The following MDM4 variants were observed in gnomAD, a reference collection of about 807,000 sequenced individuals.
MDM4 encodes the protein protein Mdm4.
MDM4 carries 2 observed loss-of-function variants against 60.2 expected under a neutral mutation model. That is an observed-to-expected ratio of 0.03 (90% CI 0.01 to 0.10). The LOEUF (loss-of-function observed/expected upper bound fraction) is 0.10. Among genes scored for constraint, MDM4 ranks in the 10% least tolerant of loss-of-function variants. The pLI is 1.00. For synonymous variants in MDM4, 202 were observed against 198.1 expected (o/e 1.02, Z -0.17); for missense variants, 447 against 577.5 (o/e 0.77, Z 2.32).
intron 3 of MDM4, among the ~76,000 whole-genome samples, chr1:204,528,074 A>ATT (rs11440400): frequency 0.032 from 4,547 of 140,308 alleles, 112 homozygotes; most frequent in African/African-American, 0.075. Flanking sequence ...AAAGTCTGGA[A>ATT]TTTTTTTTTT....
chr1:204,529,458 C>G, intron 3 of MDM4: 1 of 1,521,746 alleles, frequency 6.6e-7, no homozygotes, highest in Non-Finnish European at 9.0e-7. Context: ...ATCATTTGGT[C>G]CTCCTGGAGT....
chr1:204,529,568 AG>A (rs1660632948), intron 3 of MDM4: 2 of 1,448,180 alleles, frequency 1.4e-6, no homozygotes, highest in Non-Finnish European at 1.9e-6. Flanking sequence ...AGCCACCACC[AG>A]GGGGTAGCAC....
chr1:204,523,503 C>CTTTTA (rs1558310755), intron 1 of MDM4, among the ~76,000 whole-genome samples: 70 of 82,016 alleles, frequency 8.5e-4, no homozygotes, highest in South Asian at 2.1e-3. Flanking sequence ...TTTTTTTTTG[C>CTTTTA]GACAGGGTAT....
intron 3 of MDM4, 40 bp downstream of exon 3, chr1:204,526,474 T>G (rs1182299649): frequency 6.5e-7 from 1 of 1,530,182 alleles, no homozygotes; most frequent in African/African-American, 1.4e-5. Context: ...TTTGTTTTTT[T>G]TTTTTTTGAG....
In MDM4 at chr1:204,525,612, TATTTCTAGTTTTTTGG is replaced by T. The variant is rs1558312984; in HGVS notation, c.78+17_78+32del. 2.0e-6 allele frequency: 3 copies of T among 1,517,460 alleles called. No homozygotes were observed. The South Asian group carries it at 3.6e-5, about 18-fold the overall frequency. The allele number at this position is 1,517,460 out of a possible 1,614,324, so 94.0% of individuals were successfully genotyped here. On this transcript the variant is annotated intron_variant, in intron 2 of 10. Coordinates refer to ENST00000367182, the MANE Select transcript of MDM4 (RefSeq NM_002393.5). Reference sequence around the variant, plus strand: ...AATCAATCAGGTAAATCATTTTCGGTATTTCTAGTTTTTTGGTTTTTTTTTTTTTTAATTTTTAAAA... The same window carrying T: ...AATCAATCAGGTAAATCATTTTCGGTTTTTTTTTTTTTTTAATTTTTAAAA...
At chr1:204,544,799 T>G (rs1186662759) in intron 9 of MDM4, 115 bp downstream of exon 9, 2 of 956,638 alleles carry the variant, frequency 2.1e-6, no homozygotes. Context: ...CCTTTTTAAC[T>G]TTAATTAATT....
intron 5 of MDM4, chr1:204,537,141 A>T: frequency 5.2e-6 from 2 of 385,864 alleles, no homozygotes; most frequent in East Asian, 1.0e-4. Context: ...ACCAGTTTTC[A>T]TATAAAAATT....
Position 204,549,426 on chromosome 1 carries a change from C to T in MDM4, c.1217C>T (p.Thr406Ile), listed in dbSNP as rs4252741. 5.6e-6 allele frequency: 9 copies of T among 1,612,868 alleles called. No homozygotes were observed. In the East Asian group the frequency reaches 1.6e-4, roughly 28 times the overall value. ...DLAHSSESQE[T>I]ISSMGEQLDN... ...GCTCACAGTTCTGAAAGCCAAGAGA[C>T]CATCTCAAGCATGGGAGAACAGTTA... The change falls in exon 11 of 11, where the codon ACC (threonine) becomes ATC (isoleucine). Residue 406 changes from threonine (T) to isoleucine (I), a missense_variant. By Grantham distance (89) the Thr-to-Ile change is moderately conservative. Coordinates refer to ENST00000367182, the MANE Select transcript of MDM4 (RefSeq NM_002393.5).
intron 2 of MDM4, 36 bp downstream of exon 2, chr1:204,525,632 T>A: frequency 7.1e-7 from 1 of 1,410,868 alleles, no homozygotes; most frequent in Non-Finnish European, 9.8e-7. Context: ...TTTTTGGTTT[T>A]TTTTTTTTTT....
intron 5 of MDM4, chr1:204,532,842 T>C: frequency 6.2e-7 from 1 of 1,608,738 alleles, no homozygotes. Context: ...TTTTGTTTAA[T>C]GTGTTTCTTT....
Position 204,551,431 on chromosome 1 carries a change from TTGATA to T in MDM4, c.*1751_*1755del. On this transcript the variant is annotated 3_prime_UTR_variant, in exon 11 of 11. Transcript: ENST00000367182. Reference sequence around the variant, plus strand: ...GCTGCTTACACCAAGGCAATACGCCTTGATATACTGGATGGTTGAGAGGCAGCCTC... The same window carrying T: ...GCTGCTTACACCAAGGCAATACGCCTTACTGGATGGTTGAGAGGCAGCCTC... 1 of 223,728 alleles carries T rather than the reference TTGATA, an allele frequency of 4.5e-6. No individual in the cohort carries two copies. The highest frequency in any genetic ancestry group is 8.8e-6 in the Non-Finnish European group (1 of 113,556). 13.9% of individuals were successfully genotyped at this position (223,728 alleles called of 1,614,324 possible). A position where few individuals can be genotyped will look rare whatever the true frequency, so the allele number is the denominator to read the frequency against.
intron 7 of MDM4, among the ~76,000 whole-genome samples, chr1:204,540,661 G>A (rs546540258): frequency 2.6e-4 from 40 of 152,222 alleles, no homozygotes; most frequent in Admixed American, 1.6e-3. Flanking sequence ...TACTCGGGAG[G>A]CTGAGGCAGG....
At chr1:204,517,496 C>G (rs1488292799) in intron 1 of MDM4, among the ~76,000 whole-genome samples, 2 of 151,330 alleles carry the variant, frequency 1.3e-5, no homozygotes, top group South Asian at 2.1e-4. Context: ...TTCTGCCTCA[C>G]GGGTTCAAGT....
intron 1 of MDM4, among the ~76,000 whole-genome samples, chr1:204,520,137 C>T (rs1012868978): frequency 5.3e-5 from 8 of 151,556 alleles, no homozygotes; most frequent in African/African-American, 1.5e-4. Flanking sequence ...ATTAGCCAGG[C>T]GAGGTGGTGG....
At chr1:204,540,831 G>C (rs1218513417) in intron 7 of MDM4, among the ~76,000 whole-genome samples, 2 of 152,174 alleles carry the variant, frequency 1.3e-5, no homozygotes, top group Admixed American at 1.3e-4. Flanking sequence ...TGGCGAAGAT[G>C]TGTAAAATCA....
chr1:204,549,526 A>G lies in MDM4; in HGVS notation c.1317A>G (p.Leu439=), dbSNP rs954634929. 1.2e-6 allele frequency: 2 copies of G among 1,612,964 alleles called. No homozygotes were observed. The highest frequency in any genetic ancestry group is 2.7e-5 in the African/African-American group (2 of 74,820). ...AGAATCTCTTGAAGCCATGTAGCTT[A>G]TGTGAGAAAAGACCACGAGACGGGA... ...DCQNLLKPCS[L]CEKRPRDGNI... The change falls in exon 11 of 11, where the codon TTA becomes TTG. Residue 439 remains leucine, a synonymous_variant. Coordinates refer to ENST00000367182, the MANE Select transcript of MDM4 (RefSeq NM_002393.5).
rs757935184 is a variant in MDM4 at position 204,556,573 on chromosome 1, C to T, written c.*6891C>T. 1 of 202,314 alleles carries T rather than the reference C, an allele frequency of 4.9e-6. No individual in the cohort carries two copies. Among genetic ancestry groups the T allele is most frequent in the Non-Finnish European group, 1.0e-5 (1 of 98,516 alleles). The allele number at this position is 202,314 out of a possible 1,614,324, so 12.5% of individuals were successfully genotyped here. ...AAAAGCTGGGCATGGTGGGTGCATGCTTGTCCCAGCTACTGAGGAGGCTGA... is the reference window on the plus strand; with the variant it reads ...AAAAGCTGGGCATGGTGGGTGCATGTTTGTCCCAGCTACTGAGGAGGCTGA... On this transcript the variant is annotated 3_prime_UTR_variant, in exon 11 of 11. Coordinates refer to ENST00000367182, the MANE Select transcript of MDM4 (RefSeq NM_002393.5).
In MDM4 at chr1:204,549,457, C is replaced by G; in HGVS notation, c.1248C>G (p.Asn416Lys). The change falls in exon 11 of 11, where the codon AAC (asparagine) becomes AAG (lysine). Residue 416 changes from asparagine (N) to lysine (K), a missense_variant. Physicochemically the swap from Asn to Lys is moderately conservative, Grantham distance 94. This residue lies in a region of MDM4 where 117 missense variants were observed against 114.5 expected (regional missense o/e 1.02). Transcript: ENST00000367182. ...TISSMGEQLD[N>K]LSEQRTDTEN... Reference sequence around the variant, plus strand: ...CAAGCATGGGAGAACAGTTAGATAACCTTTCTGAACAGAGAACAGATACAG... The same window carrying G: ...CAAGCATGGGAGAACAGTTAGATAAGCTTTCTGAACAGAGAACAGATACAG... 1 of 1,611,110 alleles carries G rather than the reference C, an allele frequency of 6.2e-7. No homozygotes were observed. The highest frequency in any genetic ancestry group is 8.5e-7 in the Non-Finnish European group (1 of 1,179,132).
rs374257992 is a variant in MDM4, at chr1:204,551,459, CTCTTTTT to C, written c.*1779_*1785del. Reference sequence around the variant, plus strand: ...ATATACTGGATGGTTGAGAGGCAGCCTCTTTTTTTTTTTTTTTTTTTTTTTTTTTTTG... The same window carrying C: ...ATATACTGGATGGTTGAGAGGCAGCCTTTTTTTTTTTTTTTTTTTTTTTTG... On this transcript the variant is annotated 3_prime_UTR_variant, in exon 11 of 11. Transcript: ENST00000367182. 0.035 allele frequency: 5,370 copies of C among 151,386 alleles called. 170 individuals are homozygous for C. The highest frequency in any genetic ancestry group is 0.046 in the Non-Finnish European group (4,166 of 90,526). 9.4% of individuals were successfully genotyped at this position (151,386 alleles called of 1,614,324 possible).
Sources: allele counts gnomAD v4.1 joint callset (sites outside exome capture counted in the v4.1 genomes callset), GRCh38; gene constraint gnomAD v4.1.1; regional missense constraint gnomAD v4.1.1; transcripts MANE v1.5; gene names NCBI Gene and HGNC (gene_info 2026-07-23, HGNC 2026-07-21).